Variants in EXOSC9 observed in about 807,000 individuals in gnomAD.
EXOSC9 encodes the protein exosome component 9.
In EXOSC9, 38 loss-of-function variants were observed where a neutral mutation model predicts 56.5. That is an observed-to-expected ratio of 0.67 (90% CI 0.52 to 0.88). EXOSC9 has a LOEUF of 0.88. EXOSC9 is among the 40% of genes least tolerant of loss of function. The probability of loss-of-function intolerance (pLI) is 0.00; values close to 1 mark genes in which losing one functional copy is unlikely to be tolerated. For missense variants in EXOSC9, 559 were observed against 530.5 expected, an observed-to-expected ratio of 1.05 and a Z score of -0.53; for synonymous variants, 170 against 170.8, an observed-to-expected ratio of 0.99 and a Z score of 0.04.
At chr4:121,814,628 C>T (rs1724416199) in intron 10 of EXOSC9, 1 of 152,126 alleles carries the variant, frequency 6.6e-6, no homozygotes, top group South Asian at 2.1e-4. Flanking sequence ...CCACTAGCCC[C>T]ACATGGCTAG....
chr4:121,811,569 A>G lies in EXOSC9; in HGVS notation c.739-14A>G, dbSNP rs770271366. 1 of 1,480,308 alleles carries G rather than the reference A, an allele frequency of 6.8e-7. No homozygotes were observed. Among genetic ancestry groups the G allele is most frequent in the South Asian group, 1.3e-5 (1 of 78,382 alleles). 91.7% of individuals were successfully genotyped at this position (1,480,308 alleles called of 1,614,324 possible). ...TTATTGTCTTTAAACAACAGAATTCACTTTTATAAATAGGTTCTGAGATGC... is the reference window on the plus strand; with the variant it reads ...TTATTGTCTTTAAACAACAGAATTCGCTTTTATAAATAGGTTCTGAGATGC... On this transcript the variant is annotated splice_polypyrimidine_tract_variant and intron_variant, in intron 7 of 11. Transcript: ENST00000243498.
chr4:121,815,281 G>A (rs939392769), intron 10 of EXOSC9: 3 of 755,388 alleles, frequency 4.0e-6, no homozygotes, highest in African/African-American at 1.9e-5. Flanking sequence ...TGTTGAAGAT[G>A]TAAGTTGTTT....
intron 10 of EXOSC9, 28 bp from the exon 11 acceptor site, chr4:121,816,332 CTTTTTTTTT>C: frequency 1.0e-6 from 1 of 957,002 alleles, no homozygotes; most frequent in Non-Finnish European, 1.5e-6. Context: ...GATTGCTTAA[CTTTTTTTTT>C]TTTTTTTAAA....
rs1396436877 is a variant in EXOSC9 at position 121,816,831 on chromosome 4, G to C, written c.1295G>C (p.Arg432Thr). The C allele has an allele frequency of 6.3e-7, 1 of 1,595,112 alleles. No individual in the cohort carries two copies. The highest frequency in any genetic ancestry group is 8.6e-7 in the Non-Finnish European group (1 of 1,169,076). ...CCAAGTAAAAAGCCAGTGAAAAGAA[G>C]AAAAAAGAAGAGAGCTGCCAATTAA... ...KAPSKKPVKR[R>T]KKKRAAN Residue 432 changes from arginine to threonine, a missense_variant, in exon 12 of 12, where the codon AGA (arginine) becomes ACA (threonine). Arg to Thr is a moderately conservative substitution (Grantham distance 71). Coordinates refer to ENST00000243498, the MANE Select transcript of EXOSC9 (RefSeq NM_005033.3).
At position 121,816,854 on chromosome 4, in the gene EXOSC9, T is replaced by G. The variant is rs547941906; in HGVS notation, c.1318T>G (p.Ter440GluextTer2). 85 of 1,581,390 alleles carry G rather than the reference T, an allele frequency of 5.4e-5. No individual in the cohort carries two copies. In the African/African-American group the frequency reaches 1.0e-3, roughly 19 times the overall value. ...AAGAAAAAAGAAGAGAGCTGCCAAT[T>G]AAAGCTAACAGTTGTATATCTGTAT... ...KRRKKKRAAN[*>E] The change falls in exon 12 of 12, where the codon TAA (stop) becomes GAA (glutamate). Residue 440 changes from the stop codon to glutamate, a stop_lost. Coordinates refer to ENST00000243498, the MANE Select transcript of EXOSC9 (RefSeq NM_005033.3).
At chr4:121,813,723 AGTGTAGCTAT>A in intron 9 of EXOSC9, 133 bp from the exon 10 acceptor site, 1 of 581,144 alleles carries the variant, frequency 1.7e-6, no homozygotes, top group Non-Finnish European at 3.0e-6. Flanking sequence ...AGCCATCCAT[AGTGTAGCTAT>A]ATTAAGTTTT....
At chr4:121,813,484 C>T in intron 9 of EXOSC9, 104 bp downstream of exon 9, 1 of 989,122 alleles carries the variant, frequency 1.0e-6, no homozygotes, top group Non-Finnish European at 1.5e-6. Context: ...TTTTTGTAAA[C>T]ACTGTACTTT....
chr4:121,809,012 A>G (rs1328409664), intron 6 of EXOSC9, among the ~76,000 whole-genome samples: 1 of 150,810 alleles, frequency 6.6e-6, no homozygotes, highest in Admixed American at 6.6e-5. Flanking sequence ...TTTTTTTGTG[A>G]CAGGGTCTCA....
chr4:121,809,885 C>T, intron 6 of EXOSC9, 82 bp from the exon 7 acceptor site: 7 of 1,499,478 alleles, frequency 4.7e-6, no homozygotes, highest in East Asian at 2.3e-5. Context: ...TTTATTGATG[C>T]CATCTTTTAA....
intron 11 of EXOSC9, 105 bp downstream of exon 11, chr4:121,816,552 G>A: frequency 1.2e-6 from 1 of 855,422 alleles, no homozygotes; most frequent in Non-Finnish European, 1.8e-6. Flanking sequence ...TAAACAAAAA[G>A]ACATCCCTTT....
chr4:121,803,045 C>A, intron 4 of EXOSC9, 28 bp downstream of exon 4: 1 of 1,436,170 alleles, frequency 7.0e-7, no homozygotes, highest in South Asian at 1.1e-5. Context: ...AATTCTTAAT[C>A]TTAGGATGAA....
At chr4:121,802,839 A>G (rs372624388) in intron 3 of EXOSC9, 46 bp downstream of exon 3, 13 of 1,612,884 alleles carry the variant, frequency 8.1e-6, no homozygotes, top group Non-Finnish European at 1.0e-5. Flanking sequence ...AGGAGAACCT[A>G]ACAGCAGTGA....
At chr4:121,805,749 G>A (rs1726999339) in intron 5 of EXOSC9, among the ~76,000 whole-genome samples, 1 of 151,712 alleles carries the variant, frequency 6.6e-6, no homozygotes, top group Non-Finnish European at 1.5e-5. Flanking sequence ...AGTTTTAAGT[G>A]TAGACAGCAT....
intron 6 of EXOSC9, among the ~76,000 whole-genome samples, chr4:121,808,603 A>G (rs969984210): frequency 6.6e-6 from 1 of 151,650 alleles, no homozygotes; most frequent in African/African-American, 2.4e-5. Context: ...TTCAAAAGTG[A>G]TCTAGCTACC....
intron 6 of EXOSC9, among the ~76,000 whole-genome samples, chr4:121,809,422 C>T (rs1406793505): frequency 6.6e-6 from 1 of 152,082 alleles, no homozygotes; most frequent in Non-Finnish European, 1.5e-5. Context: ...AATAATTACT[C>T]ATGAGATAGT....
intron 4 of EXOSC9, 87 bp downstream of exon 4, chr4:121,803,104 T>G (rs1159567433): frequency 1.1e-6 from 1 of 948,512 alleles, no homozygotes; most frequent in Non-Finnish European, 1.7e-6. Context: ...CTCAGAACTT[T>G]AGTTAACTCA....
intron 2 of EXOSC9, among the ~76,000 whole-genome samples, chr4:121,802,388 A>G (rs1353770743): frequency 6.6e-6 from 1 of 152,250 alleles, no homozygotes; most frequent in Non-Finnish European, 1.5e-5. Flanking sequence ...TCTTGTATCA[A>G]TAAATACTTG....
rs996090192 is a variant in EXOSC9, at chr4:121,809,910, A to G, written c.606-57A>G. 5 of 1,603,746 alleles carry G rather than the reference A, an allele frequency of 3.1e-6. No individual in the cohort carries two copies. In the African/African-American group the frequency reaches 6.7e-5, roughly 21 times the overall value. On this transcript the variant is annotated intron_variant, in intron 6 of 11. Coordinates refer to ENST00000243498, the MANE Select transcript of EXOSC9 (RefSeq NM_005033.3). ...CCATCTTTTAAAAATTCATTACCCA[A>G]GAAATGGTAAGCATTCGGTCTCAGA...
At chr4:121,810,709 T>G (rs1727188012) in intron 7 of EXOSC9, among the ~76,000 whole-genome samples, 1 of 151,430 alleles carries the variant, frequency 6.6e-6, no homozygotes, top group Non-Finnish European at 1.5e-5. Context: ...AATAAATAAA[T>G]AAATATTAGC....
Sources: gnomAD v4.1 joint callset for allele counts (sites outside exome capture counted in the v4.1 genomes callset) on GRCh38, gnomAD v4.1.1 for gene constraint, MANE v1.5 for transcripts, NCBI Gene and HGNC (gene_info 2026-07-23, HGNC 2026-07-21) for gene names.